Variants in MRPL47 observed in about 807,000 individuals in gnomAD.
The protein encoded by MRPL47 is mitochondrial ribosomal protein L47, also known as large ribosomal subunit protein uL29m.
In MRPL47, 31 loss-of-function variants were observed where a neutral mutation model predicts 34.0. That is an observed-to-expected ratio of 0.91 (90% CI 0.68 to 1.23). MRPL47 has a LOEUF of 1.23. Among genes scored for constraint, MRPL47 ranks in the 50% most tolerant of loss-of-function variants. The pLI, the probability that MRPL47 is intolerant of heterozygous loss-of-function variation, is 0.00. For synonymous variants in MRPL47, 106 were observed against 101.6 expected (o/e 1.04, Z -0.26); for missense variants, 328 against 285.8 (o/e 1.15, Z -1.07).
chr3:179,599,225 T>C (rs1422937612), intron 3 of MRPL47, among the ~76,000 whole-genome samples: 1 of 81,426 alleles, frequency 1.2e-5, no homozygotes, highest in East Asian at 7.0e-4. Context: ...TTACAAAGAA[T>C]AATCCATTAT....
intron 6 of MRPL47, 39 bp downstream of exon 6, chr3:179,592,605 A>G (rs1718701247): frequency 2.4e-6 from 3 of 1,246,714 alleles, no homozygotes; most frequent in Non-Finnish European, 1.2e-6. Context: ...GTCATCTGGT[A>G]TAAAGATAAT....
chr3:179,601,636 A>G, intron 3 of MRPL47, 94 bp downstream of exon 3: 1 of 767,990 alleles, frequency 1.3e-6, no homozygotes, highest in Non-Finnish European at 2.2e-6. Context: ...AAATCGCTTT[A>G]CTCAATTTCT....
At chr3:179,592,969 G>A (rs1356944429) in intron 5 of MRPL47, among the ~76,000 whole-genome samples, 1 of 152,126 alleles carries the variant, frequency 6.6e-6, no homozygotes, top group Non-Finnish European at 1.5e-5. Flanking sequence ...AAGAGTACAG[G>A]GAAGGTCTCT....
Position 179,592,659 on chromosome 3 carries a change from A to G in MRPL47, c.614T>C (p.Val205Ala). The part of the protein sequence containing the change: ...NRKRFFALPY[V>A]DHFLRLEREK... The stretch of plus-strand genomic sequence containing the variant: ...TTGTGCTCACCTGAGAAAATGGTCC[A>G]CATAAGGCAAGGCAAAGAATCGTTT... The change falls in exon 6 of 7, where the codon GTG becomes GCG. Residue 205 changes from valine to alanine, a missense_variant. By Grantham distance (64) the Val-to-Ala change is moderately conservative (BLOSUM62 0). Transcript: ENST00000476781. 1 of 1,611,466 alleles carries G rather than the reference A, an allele frequency of 6.2e-7. No individual in the cohort carries two copies. Among genetic ancestry groups the G allele is most frequent in the Non-Finnish European group, 8.5e-7 (1 of 1,177,558 alleles).
At chr3:179,598,430 A>ACACACACAAAC (rs1491589511) in intron 4 of MRPL47, among the ~76,000 whole-genome samples, 8 of 114,170 alleles carry the variant, frequency 7.0e-5, no homozygotes, top group African/African-American at 2.1e-4. Context: ...ACACACAAAC[A>ACACACACAAAC]AAAAAAAAAA....
intron 4 of MRPL47, 66 bp downstream of exon 4, chr3:179,598,609 A>G (rs1265828165): frequency 1.2e-5 from 12 of 1,005,008 alleles, no homozygotes; most frequent in Non-Finnish European, 1.9e-5. Context: ...GAAATACAGG[A>G]ACCACATACT....
chr3:179,592,385 G>A (rs191843417), intron 6 of MRPL47, among the ~76,000 whole-genome samples: 20 of 151,950 alleles, frequency 1.3e-4, no homozygotes, highest in Admixed American at 2.6e-4. Flanking sequence ...TAGTAGAGAC[G>A]GGGTTTCACC....
chr3:179,597,732 CG>C (rs1442603967), intron 4 of MRPL47, among the ~76,000 whole-genome samples: 1 of 151,798 alleles, frequency 6.6e-6, no homozygotes, highest in Non-Finnish European at 1.5e-5. Context: ...CGTTTGAACC[CG>C]GGAGGTGGAG....
chr3:179,589,830 A>G (rs1718628205), intron 6 of MRPL47, among the ~76,000 whole-genome samples: 1 of 152,190 alleles, frequency 6.6e-6, no homozygotes, highest in African/African-American at 2.4e-5. Context: ...GAGATTACCC[A>G]TTCTATTCAT....
At chr3:179,597,290 T>C (rs1319458249) in intron 4 of MRPL47, among the ~76,000 whole-genome samples, 1 of 152,234 alleles carries the variant, frequency 6.6e-6, no homozygotes, top group African/African-American at 2.4e-5. Context: ...TATACCTTCT[T>C]TGATTTTCTC....
At chr3:179,601,594 C>T (rs1052124877) in intron 3 of MRPL47, 136 bp downstream of exon 3, 6 of 602,802 alleles carry the variant, frequency 1.0e-5, no homozygotes, top group Admixed American at 7.0e-5. Flanking sequence ...TGATCTTAAA[C>T]ATCAGATTTA....
intron 4 of MRPL47, among the ~76,000 whole-genome samples, chr3:179,596,626 A>G (rs1489874946): frequency 6.6e-6 from 1 of 152,216 alleles, no homozygotes; most frequent in Non-Finnish European, 1.5e-5. Context: ...TGTTCTTTAT[A>G]AAGCATCCTT....
At chr3:179,592,779 A>G in intron 5 of MRPL47, 40 bp from the exon 6 acceptor site, 1 of 1,267,464 alleles carries the variant, frequency 7.9e-7, no homozygotes, top group Non-Finnish European at 1.1e-6. Context: ...TAAAGAAAAC[A>G]TTTAATACAT....
At chr3:179,594,051 G>C (rs1718736637) in intron 4 of MRPL47, among the ~76,000 whole-genome samples, 156 bp from the exon 5 acceptor site, 1 of 152,188 alleles carries the variant, frequency 6.6e-6, no homozygotes, top group Admixed American at 6.5e-5. Context: ...TTTGGCACAA[G>C]TATGTCTACA....
intron 1 of MRPL47, 82 bp downstream of exon 1, chr3:179,604,444 TG>T: frequency 7.3e-7 from 1 of 1,363,668 alleles, no homozygotes; most frequent in Non-Finnish European, 1.0e-6. Flanking sequence ...ATTCTTGAGT[TG>T]TTCTCGGCAT....
At chr3:179,598,551 A>C in intron 4 of MRPL47, 124 bp downstream of exon 4, 1 of 666,638 alleles carries the variant, frequency 1.5e-6, no homozygotes, top group East Asian at 2.8e-5. Context: ...TGCACTACTC[A>C]AATTTACTAA....
At chr3:179,601,544 C>T (rs934972082) in intron 3 of MRPL47, among the ~76,000 whole-genome samples, 186 bp downstream of exon 3, 5 of 152,196 alleles carry the variant, frequency 3.3e-5, no homozygotes, top group African/African-American at 1.2e-4. Flanking sequence ...AGAATTGTGA[C>T]ATTTGTCATA....
rs570461021 is a variant in MRPL47, at chr3:179,591,433, G to A, written c.629+1211C>T. ...GTCTCCTTTTGGATATGGCCCAAGTGTTTTAAAATAGCTCTTTAAAAAAAA... is the reference window on the plus strand; with the variant it reads ...GTCTCCTTTTGGATATGGCCCAAGTATTTTAAAATAGCTCTTTAAAAAAAA... On this transcript the variant is annotated intron_variant, in intron 6 of 6. Coordinates refer to ENST00000476781, the MANE Select transcript of MRPL47 (RefSeq NM_020409.3). Among the ~76,000 whole-genome samples the A allele has an allele frequency of 2.0e-5, 3 of 152,206 alleles. 1 individual carries two copies. In the East Asian group the frequency reaches 5.8e-4, roughly 29 times the overall value.
At position 179,602,590 on chromosome 3, in the gene MRPL47, G is replaced by C; in HGVS notation, c.244+62C>G. The C allele has an allele frequency of 3.7e-6, 3 of 810,356 alleles. 1 individual carries two copies. The highest frequency in any genetic ancestry group is 3.4e-5 in the South Asian group (2 of 59,380). 50.2% of individuals were successfully genotyped at this position (810,356 alleles called of 1,614,324 possible). ...GATATATAATCCTAGAACGATGGTT[G>C]GGCGGGGCGGGGGGGGGGGTTCCAT... is the stretch of plus-strand genomic sequence containing the variant. On this transcript the variant is annotated intron_variant, in intron 2 of 6. Transcript: ENST00000476781.
Sources: gnomAD v4.1 joint callset for allele counts (sites outside exome capture counted in the v4.1 genomes callset) on GRCh38, gnomAD v4.1.1 for gene constraint, MANE v1.5 for transcripts, NCBI Gene and HGNC (gene_info 2026-07-23, HGNC 2026-07-21) for gene names.